FAM20B: variants seen among roughly 807,000 people sequenced by gnomAD.
The protein encoded by FAM20B is glycosaminoglycan xylosylkinase.
Under a neutral mutation model 43.8 loss-of-function variants are expected in FAM20B, and 23 were observed. The ratio of observed to expected loss-of-function variants is 0.53; its 90% CI spans 0.38 to 0.74. The LOEUF (loss-of-function observed/expected upper bound fraction) is 0.74. Among genes scored for constraint, FAM20B ranks in the 30% least tolerant of loss-of-function variants. The probability of loss-of-function intolerance (pLI) is 0.00; values close to 1 mark genes in which losing one functional copy is unlikely to be tolerated. For synonymous variants in FAM20B, 178 were observed against 192.4 expected (o/e 0.93, Z 0.62); for missense variants, 440 against 510.5 (o/e 0.86, Z 1.33).
At chr1:179,025,800 G>C, upstream of FAM20B, 1 of 149,924 alleles carries the variant, frequency 6.7e-6, no homozygotes, top group East Asian at 2.0e-4. Context: ...CTGGGCGGGG[G>C]CGGGGCCGCG....
chr1:179,066,517 CTG>C (rs2102524544), intron 6 of FAM20B, among the ~76,000 whole-genome samples: 1 of 152,250 alleles, frequency 6.6e-6, no homozygotes, highest in African/African-American at 2.4e-5. Context: ...GAACTCCGCA[CTG>C]TGTTTACCAT....
chr1:179,033,247 C>CT (rs764154012), intron 1 of FAM20B, among the ~76,000 whole-genome samples: 5 of 152,280 alleles, frequency 3.3e-5, no homozygotes, highest in Admixed American at 6.5e-5. Flanking sequence ...CTGCATAAGT[C>CT]TAAGTAGGGC....
chr1:179,066,700 A>C, intron 6 of FAM20B, 100 bp from the exon 7 acceptor site: 2 of 797,852 alleles, frequency 2.5e-6, no homozygotes, highest in Non-Finnish European at 4.3e-6. Context: ...GAAATTATCT[A>C]GGATCACATT....
intron 3 of FAM20B, among the ~76,000 whole-genome samples, chr1:179,052,639 T>A (rs1651053160): frequency 1.3e-5 from 2 of 152,246 alleles, no homozygotes; most frequent in South Asian, 4.1e-4. Flanking sequence ...CTGTAGCATT[T>A]TCAATAGTGG....
chr1:179,043,251 C>G (rs1029509955), intron 1 of FAM20B, among the ~76,000 whole-genome samples: 1 of 152,220 alleles, frequency 6.6e-6, no homozygotes, highest in Non-Finnish European at 1.5e-5. Context: ...CACATATATA[C>G]AGGTCACGAC....
At chr1:179,026,550 G>C (rs1441230758) in intron 1 of FAM20B, among the ~76,000 whole-genome samples, 1 of 152,162 alleles carries the variant, frequency 6.6e-6, no homozygotes, top group East Asian at 1.9e-4. Context: ...CAGGGAGCGC[G>C]CCCTCGCGGG....
chr1:179,065,300 G>A (rs1306829128), intron 6 of FAM20B, among the ~76,000 whole-genome samples: 4 of 151,920 alleles, frequency 2.6e-5, no homozygotes, highest in Non-Finnish European at 4.4e-5. Context: ...ACAGGCACTC[G>A]CTAATTTTGT....
At chr1:179,057,114 G>A (rs1285369939) in intron 4 of FAM20B, among the ~76,000 whole-genome samples, 4 of 152,174 alleles carry the variant, frequency 2.6e-5, no homozygotes, top group Non-Finnish European at 5.9e-5. Context: ...GGAGGCCGAG[G>A]TGGGCAGATC....
chr1:179,032,768 TGAAAG>T, intron 1 of FAM20B, among the ~76,000 whole-genome samples: 1 of 152,188 alleles, frequency 6.6e-6, no homozygotes, highest in Admixed American at 6.5e-5. Context: ...CATGTGAAGA[TGAAAG>T]GAAGAATAGC....
At chr1:179,018,339 C>T in the FAM20B span, among the ~76,000 whole-genome samples, 1 of 152,122 alleles carries the variant, frequency 6.6e-6, no homozygotes, top group East Asian at 1.9e-4. Flanking sequence ...CTGAGTTTCA[C>T]TCTGTCGCCC....
At chr1:179,040,388 T>G (rs1195438318) in intron 1 of FAM20B, among the ~76,000 whole-genome samples, 24 of 123,274 alleles carry the variant, frequency 1.9e-4, no homozygotes, top group East Asian at 1.1e-3. Flanking sequence ...CCTCCCGGAC[T>G]GGGCGGCTGG....
chr1:179,050,184 A>C (rs889741774), intron 2 of FAM20B, 95 bp from the exon 3 acceptor site: 2 of 812,738 alleles, frequency 2.5e-6, no homozygotes, highest in Non-Finnish European at 4.3e-6. Context: ...CTATAGCAGA[A>C]TCAGGCTTGC....
upstream of FAM20B, among the ~76,000 whole-genome samples, chr1:179,022,783 C>T (rs967366285): frequency 2.6e-5 from 4 of 152,176 alleles, no homozygotes; most frequent in East Asian, 1.9e-4. Flanking sequence ...ACCCGGGGAA[C>T]GGGGTCAGAC....
intron 1 of FAM20B, chr1:179,035,397 A>G (rs1650179914): frequency 1.4e-5 from 10 of 709,016 alleles, no homozygotes; most frequent in South Asian, 1.2e-4. Flanking sequence ...CATGAGATTG[A>G]TTCCTGACTA....
chr1:179,046,677 A>C (rs916243689), intron 2 of FAM20B, among the ~76,000 whole-genome samples: 1 of 150,700 alleles, frequency 6.6e-6, no homozygotes, highest in East Asian at 2.0e-4. Context: ...AAATAAATAA[A>C]GAGATGAGTT....
At chr1:179,071,861 C>A in intron 7 of FAM20B, 52 bp from the exon 8 acceptor site, 1 of 1,280,106 alleles carries the variant, frequency 7.8e-7, no homozygotes, top group African/African-American at 1.5e-5. Flanking sequence ...CTTTCAACTC[C>A]GTTTGATAAT....
chr1:179,018,620 A>C, the FAM20B span, among the ~76,000 whole-genome samples: 1 of 152,144 alleles, frequency 6.6e-6, no homozygotes, highest in Non-Finnish European at 1.5e-5. Flanking sequence ...AAGATCTTTT[A>C]AAAATGTTGT....
At chr1:179,056,317 C>G (rs2102512838) in intron 4 of FAM20B, among the ~76,000 whole-genome samples, 1 of 152,316 alleles carries the variant, frequency 6.6e-6, no homozygotes, top group South Asian at 2.1e-4. Context: ...CTCTCCAATC[C>G]CCTTGCAACT....
rs1208339992 is a variant in FAM20B at position 179,072,834 on chromosome 1, G to A, written c.*690G>A. The A allele has an allele frequency of 6.6e-6, 1 of 152,208 alleles. No homozygotes were observed. The highest frequency in any genetic ancestry group is 2.4e-5 in the African/African-American group (1 of 41,444). The allele number at this position is 152,208 out of a possible 1,614,324, so 9.4% of individuals were successfully genotyped here. On this transcript the variant is annotated 3_prime_UTR_variant, in exon 8 of 8. Coordinates refer to ENST00000263733, the MANE Select transcript of FAM20B (RefSeq NM_014864.4). ...GAGATGACTGAACTACTGAAAAACA[G>A]GTTCCCTTGTATTTAGGATCTTAAG...
Sources: allele counts gnomAD v4.1 joint callset (sites outside exome capture counted in the v4.1 genomes callset), GRCh38; gene constraint gnomAD v4.1.1; transcripts MANE v1.5; gene names NCBI Gene and HGNC (gene_info 2026-07-23, HGNC 2026-07-21).